IQCK: variants seen among roughly 807,000 people sequenced by gnomAD.
The protein encoded by IQCK is IQ domain-containing protein K.
IQCK carries 29 observed loss-of-function variants against 28.1 expected under a neutral mutation model. That is an observed-to-expected ratio of 1.03 (90% CI 0.77 to 1.41). The LOEUF is 1.41. IQCK is among the 40% of genes most tolerant of loss of function. The pLI, the probability that IQCK is intolerant of heterozygous loss-of-function variation, is 0.00. For missense variants in IQCK, 359 were observed against 314.7 expected, an observed-to-expected ratio of 1.14 and a Z score of -1.07; for synonymous variants, 113 against 115.1, an observed-to-expected ratio of 0.98 and a Z score of 0.12.
chr16:19,853,774 C>T (rs1162251675), intron 9 of IQCK, among the ~76,000 whole-genome samples: 1 of 152,164 alleles, frequency 6.6e-6, no homozygotes, highest in East Asian at 1.9e-4. Flanking sequence ...GATTAACAGG[C>T]GCCTGCCACC....
rs1157456400 is a variant in IQCK at position 19,822,657 on chromosome 16, A to G, written c.691-4369A>G. Reference sequence around the variant, plus strand: ...GACACAGAGAGGCTATGGAGACTACAGTAGGTCTGTGGTTGGCTGGGGTAG... The same window carrying G: ...GACACAGAGAGGCTATGGAGACTACGGTAGGTCTGTGGTTGGCTGGGGTAG... On this transcript the variant is annotated intron_variant, in intron 7 of 7. Coordinates refer to ENST00000564186, the Ensembl canonical transcript of IQCK. Among the ~76,000 whole-genome samples, 9 of 152,270 alleles carry G rather than the reference A, an allele frequency of 5.9e-5. No homozygotes were observed. In the East Asian group the frequency reaches 1.7e-3, roughly 29 times the overall value.
chr16:19,733,880 A>G (rs1977921090), intron 3 of IQCK, 53 bp downstream of exon 3: 8 of 1,601,726 alleles, frequency 5.0e-6, no homozygotes, highest in Non-Finnish European at 6.8e-6. Flanking sequence ...ACATTGCAGA[A>G]CCACAGGGTG....
intron 4 of IQCK, among the ~76,000 whole-genome samples, chr16:19,748,266 G>A (rs963871604): frequency 2.0e-5 from 3 of 151,754 alleles, no homozygotes; most frequent in Middle Eastern, 3.2e-3. Context: ...ATAGAGACAG[G>A]GTTTCACCAT....
intron 7 of IQCK, among the ~76,000 whole-genome samples, chr16:19,811,062 T>C (rs1266449339): frequency 2.0e-5 from 3 of 152,160 alleles, no homozygotes; most frequent in African/African-American, 7.2e-5. Context: ...AGCTAGTGGA[T>C]TGCTTGAGTT....
chr16:19,836,713 C>T (rs904144996), intron 9 of IQCK, among the ~76,000 whole-genome samples: 1 of 152,180 alleles, frequency 6.6e-6, no homozygotes, highest in Non-Finnish European at 1.5e-5. Context: ...GGGGTTTCAC[C>T]ATGTTGGCCA....
intron 4 of IQCK, among the ~76,000 whole-genome samples, chr16:19,743,404 C>G (rs2054864646): frequency 1.3e-5 from 2 of 152,310 alleles, no homozygotes; most frequent in African/African-American, 4.8e-5. Flanking sequence ...GGGCAAGGAG[C>G]AAATCCCCTC....
rs774729116 is a variant in IQCK at position 19,827,155 on chromosome 16, C to G, written c.820C>G (p.Leu274Val). The change falls in exon 8 of 8, where the codon CTG becomes GTG. Residue 274 changes from leucine to valine, a missense_variant. Physicochemically the swap from Leu to Val is conservative, Grantham distance 32. Transcript: ENST00000564186. ...ACAAAAAGGTAAGTTGCTGGATTCA[C>G]TGTCCTTAGTTCATTCAAGAAAAGC... The G allele has an allele frequency of 6.6e-7, 1 of 1,515,488 alleles. No individual in the cohort carries two copies. The highest frequency in any genetic ancestry group is 9.2e-7 in the Non-Finnish European group (1 of 1,089,998). The allele number at this position is 1,515,488 out of a possible 1,614,324, so 93.9% of individuals were successfully genotyped here. A position where few individuals can be genotyped will look rare whatever the true frequency, so the allele number is the denominator to read the frequency against.
At chr16:19,747,367 A>T (rs910142656) in intron 4 of IQCK, among the ~76,000 whole-genome samples, 1 of 152,180 alleles carries the variant, frequency 6.6e-6, no homozygotes, top group African/African-American at 2.4e-5. Flanking sequence ...CTTCAATTCA[A>T]TTAGACACGT....
intron 2 of IQCK, 85 bp downstream of exon 2, chr16:19,730,579 C>A: frequency 9.1e-7 from 1 of 1,101,268 alleles, no homozygotes. Context: ...CACAGTGTCA[C>A]TGAGTTCAGG....
At chr16:19,799,261 TA>T (rs756160719) in intron 7 of IQCK, among the ~76,000 whole-genome samples, 1 of 97,444 alleles carries the variant, frequency 1.0e-5, no homozygotes, top group African/African-American at 1.1e-4. Flanking sequence ...TATATATATA[TA>T]TTTTTTTTAT....
chr16:19,782,213 A>G (rs1445947930), intron 6 of IQCK, among the ~76,000 whole-genome samples: 2 of 151,020 alleles, frequency 1.3e-5, no homozygotes, highest in Non-Finnish European at 3.0e-5. Context: ...AAAACAACTT[A>G]ATCTCTTAGT....
At chr16:19,772,599 A>G (rs1338839951) in intron 6 of IQCK, among the ~76,000 whole-genome samples, 1 of 152,218 alleles carries the variant, frequency 6.6e-6, no homozygotes, top group African/African-American at 2.4e-5. Context: ...GGAAGCTTCC[A>G]TTCACTGACA....
rs1341687180 is a variant in IQCK, at chr16:19,814,232, A to AC, written c.691-12794_691-12793insC. The stretch of plus-strand genomic sequence containing the variant: ...CAAAACTCTATCTCAAAAAAAAAAA[A>AC]AAAAAAAAAAAAAACCACAAAAATT... On this transcript the variant is annotated intron_variant, in intron 7 of 7. Coordinates refer to ENST00000564186, the Ensembl canonical transcript of IQCK. Among the ~76,000 whole-genome samples the AC allele has an allele frequency of 1.8e-3, 265 of 147,860 alleles. 9 individuals are homozygous for AC. The highest frequency in any genetic ancestry group is 6.5e-3 in the African/African-American group (258 of 39,450).
At chr16:19,761,915 C>T (rs2055151357) in intron 4 of IQCK, 1 of 154,746 alleles carries the variant, frequency 6.5e-6, no homozygotes, top group African/African-American at 2.4e-5. Context: ...AGCAAAGACA[C>T]AGGCTCTTTC....
intron 9 of IQCK, among the ~76,000 whole-genome samples, chr16:19,837,153 C>G (rs969725968): frequency 6.6e-6 from 1 of 152,094 alleles, no homozygotes; most frequent in Non-Finnish European, 1.5e-5. Flanking sequence ...GTAATACCAA[C>G]ACTTTGGGAG....
chr16:19,827,045 T>G, exon 8 of IQCK: 3 of 1,613,976 alleles, frequency 1.9e-6, no homozygotes, highest in Non-Finnish European at 2.5e-6. Context: ...GATCCTGAGA[T>G]TCAAGAACTG....
At chr16:19,739,546 G>A (rs754932099) in intron 4 of IQCK, among the ~76,000 whole-genome samples, 1 of 152,210 alleles carries the variant, frequency 6.6e-6, no homozygotes, top group Non-Finnish European at 1.5e-5. Context: ...CCAGTGTGGT[G>A]GCTCATGCCT....
intron 4 of IQCK, among the ~76,000 whole-genome samples, chr16:19,739,773 C>G (rs2054806473): frequency 6.6e-6 from 1 of 152,170 alleles, no homozygotes; most frequent in African/African-American, 2.4e-5. Context: ...CATGATGGCG[C>G]CACTGCACTC....
chr16:19,820,930 A>G (rs2056063730), intron 7 of IQCK, among the ~76,000 whole-genome samples: 1 of 152,228 alleles, frequency 6.6e-6, no homozygotes. Flanking sequence ...TTTCTCCAAG[A>G]AGTTATACAG....
Sources: gnomAD v4.1 joint callset for allele counts (sites outside exome capture counted in the v4.1 genomes callset) on GRCh38, gnomAD v4.1.1 for gene constraint, MANE v1.5 for transcripts, NCBI Gene and HGNC (gene_info 2026-07-23, HGNC 2026-07-21) for gene names.